FBLIM1: variants seen among roughly 807,000 people sequenced by gnomAD.
FBLIM1 encodes filamin binding LIM protein 1.
Under a neutral mutation model 37.4 loss-of-function variants are expected in FBLIM1, and 29 were observed. That is an observed-to-expected ratio of 0.77 (90% confidence interval 0.58 to 1.06). FBLIM1 has a LOEUF of 1.06. Among genes scored for constraint, FBLIM1 ranks in the 50% least tolerant of loss-of-function variants. The pLI, the probability that FBLIM1 is intolerant of heterozygous loss-of-function variation, is 0.00. For synonymous variants in FBLIM1, 193 were observed against 199.0 expected, an observed-to-expected ratio of 0.97 and a Z score of 0.25; for missense variants, 449 against 505.6, an observed-to-expected ratio of 0.89 and a Z score of 1.07.
At chr1:15,782,536 TTGG>T (rs1176526021) in intron 8 of FBLIM1, among the ~76,000 whole-genome samples, 1 of 152,106 alleles carries the variant, frequency 6.6e-6, no homozygotes, top group East Asian at 1.9e-4. Flanking sequence ...GTTGTGAGAC[TTGG>T]TGGTAGATAA....
intron 8 of FBLIM1, among the ~76,000 whole-genome samples, chr1:15,779,529 C>T (rs1251489019): frequency 2.0e-5 from 3 of 151,964 alleles, no homozygotes; most frequent in Admixed American, 2.0e-4. Context: ...TCTTGAACTC[C>T]TGACCTCAAG....
chr1:15,769,769 G>A (rs545551418), intron 5 of FBLIM1, among the ~76,000 whole-genome samples: 201 of 151,526 alleles, frequency 1.3e-3, no homozygotes, highest in African/African-American at 4.6e-3. Flanking sequence ...CCTGAGTACT[G>A]GGACTACAGG....
intron 1 of FBLIM1, among the ~76,000 whole-genome samples, chr1:15,762,454 G>C (rs2068719334): frequency 6.6e-6 from 1 of 151,904 alleles, no homozygotes; most frequent in South Asian, 2.1e-4. Flanking sequence ...GTAGAGACAG[G>C]GTTTCACCAT....
rs780427105 is a variant in FBLIM1, at chr1:15,767,329, G to C, written c.251-47G>C. ...ATGTAGGTAAGTAAAACCCTCCCAG[G>C]TCCACCTGGGAGGCTCTGACCAGCC... On this transcript the variant is annotated intron_variant, in intron 3 of 8. Coordinates refer to ENST00000375766, the MANE Select transcript of FBLIM1 (RefSeq NM_017556.4). 14 of 1,492,820 alleles carry C rather than the reference G, an allele frequency of 9.4e-6. No homozygotes were observed. The South Asian group carries it at 1.6e-4, about 17-fold the overall frequency. The allele number at this position is 1,492,820 out of a possible 1,614,324, so 92.5% of individuals were successfully genotyped here.
chr1:15,778,181 G>C (rs2069547062), intron 8 of FBLIM1, among the ~76,000 whole-genome samples: 1 of 152,088 alleles, frequency 6.6e-6, no homozygotes, highest in South Asian at 2.1e-4. Flanking sequence ...AAAAAGGAGG[G>C]GTTGTTACAA....
intron 6 of FBLIM1, among the ~76,000 whole-genome samples, chr1:15,771,006 G>T (rs6666460): frequency 6.6e-6 from 1 of 151,920 alleles, no homozygotes; most frequent in Admixed American, 6.6e-5. Context: ...GTGGCACGAT[G>T]TCAGCTCACT....
chr1:15,762,721 C>T (rs965950096), intron 1 of FBLIM1, among the ~76,000 whole-genome samples: 22 of 152,204 alleles, frequency 1.4e-4, no homozygotes, highest in Non-Finnish European at 3.1e-4. Flanking sequence ...CTCTGATATC[C>T]TCTAGGCACA....
chr1:15,767,440 AC>A lies in FBLIM1; in HGVS notation c.320del (p.Pro107LeufsTer27), dbSNP rs779213697. 3.2e-6 allele frequency: 2 copies of A among 618,252 alleles called. No individual in the cohort carries two copies. The highest frequency in any genetic ancestry group is 4.6e-6 in the Non-Finnish European group (2 of 431,322). 38.3% of individuals were successfully genotyped at this position (618,252 alleles called of 1,614,324 possible). ...TGCTTCCTGACCTGGACCTCCTCCC[AC>A]CCCCTCCACCGCCCCCTCCAGTGCT... ...DVLPDLDLLPPPPPPPPVLLP... is the reference protein window; with the variant it reads ...DVLPDLDLLPXPPPPPPVLLP... On this transcript the variant is annotated frameshift_variant, in exon 4 of 9. Transcript: ENST00000375766. LOFTEE classifies it high-confidence loss of function.
chr1:15,758,448 G>A (rs2068499020), upstream of FBLIM1: 1 of 152,150 alleles, frequency 6.6e-6, no homozygotes, highest in Non-Finnish European at 1.5e-5. This position sits in a 1 kb window ranked among gnomAD's most constrained non-coding sequence, Gnocchi z 6.2. Context: ...GGGCAGCGGG[G>A]AGGGAAGGAA....
At chr1:15,781,718 G>GTTTTT (rs71002929) in intron 8 of FBLIM1, among the ~76,000 whole-genome samples, 6 of 111,410 alleles carry the variant, frequency 5.4e-5, no homozygotes, top group Non-Finnish European at 7.2e-5. Flanking sequence ...AGGTAGTATT[G>GTTTTT]TTTTTTTTTT....
chr1:15,781,844 G>A lies in FBLIM1; in HGVS notation c.1009-2704G>A, dbSNP rs1470174087. ...CGCCATTCTCCTGCCTCAGCCTCCC[G>A]AGTAGCTGGGACCACAGGCGCCTGC... On this transcript the variant is annotated intron_variant, in intron 8 of 8. Transcript: ENST00000375766. 6.8e-5 allele frequency among the ~76,000 whole-genome samples: 10 copies of A among 147,306 alleles called. No homozygotes were observed. The East Asian group carries it at 1.1e-3, about 16-fold the overall frequency.
In FBLIM1 at chr1:15,764,950, C is replaced by T. The variant is rs940899936; in HGVS notation, c.-20-14C>T. On this transcript the variant is annotated splice_polypyrimidine_tract_variant and intron_variant, in intron 2 of 8. Coordinates refer to ENST00000375766, the MANE Select transcript of FBLIM1 (RefSeq NM_017556.4). ...TGGGTGGCAATCCTGTGCTGTACCCCACTCTGTCCCTAGCCACACCAGGAG... is the reference window on the plus strand; with the variant it reads ...TGGGTGGCAATCCTGTGCTGTACCCTACTCTGTCCCTAGCCACACCAGGAG... 1.9e-6 allele frequency: 3 copies of T among 1,593,426 alleles called. No homozygotes were observed. The highest frequency in any genetic ancestry group is 1.3e-5 in the African/African-American group (1 of 74,814).
chr1:15,769,416 G>T (rs2069091293), intron 5 of FBLIM1, among the ~76,000 whole-genome samples: 1 of 151,904 alleles, frequency 6.6e-6, no homozygotes, highest in South Asian at 2.1e-4. Flanking sequence ...GGCGGAGGTT[G>T]CAGTGAGCTG....
chr1:15,771,905 A>ATC (rs2069234628), intron 6 of FBLIM1, among the ~76,000 whole-genome samples: 1 of 151,356 alleles, frequency 6.6e-6, no homozygotes, highest in South Asian at 2.1e-4. Flanking sequence ...TCTTGCCACT[A>ATC]TCTCCCCTAG....
chr1:15,761,704 G>C (rs995404667), intron 1 of FBLIM1, among the ~76,000 whole-genome samples: 1 of 152,072 alleles, frequency 6.6e-6, no homozygotes, highest in Non-Finnish European at 1.5e-5. Context: ...TAATATATTG[G>C]TTTCTTCCTC....
At chr1:15,764,842 A>G (rs2068838623) in intron 2 of FBLIM1, 122 bp from the exon 3 acceptor site, 2 of 1,193,228 alleles carry the variant, frequency 1.7e-6, no homozygotes, top group South Asian at 1.5e-5. Flanking sequence ...TGCTGGACTG[A>G]GTTGTTGAGA....
At chr1:15,780,037 G>A (rs1229895213) in intron 8 of FBLIM1, among the ~76,000 whole-genome samples, 5 of 151,548 alleles carry the variant, frequency 3.3e-5, no homozygotes, top group African/African-American at 4.8e-5. Flanking sequence ...GCACCACCAC[G>A]CCCAGCTAAT....
chr1:15,767,435 C>A lies in FBLIM1; in HGVS notation c.310C>A (p.Leu104Ile). Residue 104 changes from leucine to isoleucine, a missense_variant, in exon 4 of 9, where the codon CTC (leucine) becomes ATC (isoleucine). Coordinates refer to ENST00000375766, the MANE Select transcript of FBLIM1 (RefSeq NM_017556.4). ...GGACGTGCTTCCTGACCTGGACCTC[C>A]TCCCACCCCCTCCACCGCCCCCTCC... ...GEDVLPDLDL[L>I]PPPPPPPPVL... is the part of the protein sequence containing the mutation. The A allele has an allele frequency of 6.4e-7, 1 of 1,554,764 alleles. No homozygotes were observed. The highest frequency in any genetic ancestry group is 8.8e-7 in the Non-Finnish European group (1 of 1,137,388).
At chr1:15,766,292 A>G (rs912373701) in intron 3 of FBLIM1, among the ~76,000 whole-genome samples, 9 of 150,762 alleles carry the variant, frequency 6.0e-5, no homozygotes, top group Non-Finnish European at 7.4e-5. Flanking sequence ...GTGTGTGTGT[A>G]TGTGTGTGTG....
Sources: gnomAD v4.1 joint callset for allele counts (sites outside exome capture counted in the v4.1 genomes callset) on GRCh38, gnomAD v4.1.1 for gene constraint, Gnocchi (gnomAD v3.1) non-coding constraint, MANE v1.5 for transcripts, NCBI Gene and HGNC (gene_info 2026-07-23, HGNC 2026-07-21) for gene names.